ELOVL6: variants seen among roughly 807,000 people sequenced by gnomAD.
ELOVL6 encodes very long chain fatty acid elongase 6.
Under a neutral mutation model 31.7 loss-of-function variants are expected in ELOVL6, and 8 were observed. That is an observed-to-expected ratio of 0.25 (90% CI 0.15 to 0.45). The LOEUF is 0.45. Among genes scored for constraint, ELOVL6 ranks in the 20% least tolerant of loss-of-function variants. ELOVL6 has a pLI of 1.00. For synonymous variants in ELOVL6, 101 were observed against 117.7 expected (o/e 0.86, Z 0.92); for missense variants, 126 against 326.4 (o/e 0.39, Z 4.73).
chr4:110,178,585 G>T (rs927366316), intron 1 of ELOVL6, among the ~76,000 whole-genome samples: 1 of 151,506 alleles, frequency 6.6e-6, no homozygotes, highest in African/African-American at 2.4e-5. Context: ...GGCCAGACGC[G>T]GTGGCTCACA....
At chr4:110,171,495 T>C (rs1578277206) in intron 1 of ELOVL6, among the ~76,000 whole-genome samples, 1 of 152,002 alleles carries the variant, frequency 6.6e-6, no homozygotes, top group East Asian at 1.9e-4. Flanking sequence ...TGCATGGTTG[T>C]CAATCATACC....
chr4:110,170,758 A>G (rs1411796364), intron 1 of ELOVL6, among the ~76,000 whole-genome samples: 1 of 152,210 alleles, frequency 6.6e-6, no homozygotes, highest in Non-Finnish European at 1.5e-5. Flanking sequence ...TGCAAGCTCA[A>G]TGTCAACAAA....
chr4:110,120,973 G>A (rs915040471), intron 1 of ELOVL6, among the ~76,000 whole-genome samples: 21 of 151,910 alleles, frequency 1.4e-4, no homozygotes, highest in Admixed American at 5.9e-4. Flanking sequence ...GCTAATTTTC[G>A]TATTTTTAGT....
At chr4:110,178,243 A>G (rs566231486) in intron 1 of ELOVL6, among the ~76,000 whole-genome samples, 4 of 137,922 alleles carry the variant, frequency 2.9e-5, no homozygotes, top group African/African-American at 1.1e-4. Context: ...AACTATGATA[A>G]TATTTTTGTA....
intron 2 of ELOVL6, among the ~76,000 whole-genome samples, chr4:110,084,002 GCCA>G (rs1756004750): frequency 1.1e-4 from 1 of 9,120 alleles, no homozygotes; most frequent in Non-Finnish European, 1.9e-4. Context: ...TATAACATAT[GCCA>G]TATATGGTAT....
At chr4:110,061,511 T>A (rs2126222989) in intron 2 of ELOVL6, among the ~76,000 whole-genome samples, 1 of 151,160 alleles carries the variant, frequency 6.6e-6, no homozygotes, top group East Asian at 1.9e-4. Context: ...CTTATCTGAA[T>A]TTTTTTTGTG....
intron 1 of ELOVL6, among the ~76,000 whole-genome samples, chr4:110,193,741 T>C (rs923318325): frequency 2.0e-5 from 3 of 152,198 alleles, no homozygotes; most frequent in African/African-American, 7.2e-5. Context: ...GACTCTATAA[T>C]ACAGAATACA....
intron 2 of ELOVL6, among the ~76,000 whole-genome samples, chr4:110,082,642 T>C (rs188167947): frequency 1.5e-3 from 227 of 152,032 alleles, no homozygotes; most frequent in African/African-American, 5.2e-3. Context: ...ATACCTAATG[T>C]TAAATGATGA....
At chr4:110,171,694 T>C (rs1758952870) in intron 1 of ELOVL6, among the ~76,000 whole-genome samples, 1 of 136,852 alleles carries the variant, frequency 7.3e-6, no homozygotes, top group African/African-American at 2.7e-5. Context: ...TTTTTTTTTT[T>C]TTTTTTTTTT....
chr4:110,127,404 CT>C (rs1757532897), intron 1 of ELOVL6, among the ~76,000 whole-genome samples: 1 of 15,484 alleles, frequency 6.5e-5, no homozygotes, highest in Non-Finnish European at 1.1e-4. Context: ...GAGATTCCGT[CT>C]CAAAAAAAAA....
chr4:110,148,027 T>A (rs994158903), intron 1 of ELOVL6, among the ~76,000 whole-genome samples: 3 of 144,616 alleles, frequency 2.1e-5, no homozygotes, highest in African/African-American at 7.8e-5. Flanking sequence ...GGCAGGAGAA[T>A]CCGCCCAGGA....
chr4:110,193,342 A>T (rs895022172), intron 1 of ELOVL6, among the ~76,000 whole-genome samples: 11 of 152,204 alleles, frequency 7.2e-5, no homozygotes, highest in Non-Finnish European at 1.3e-4. Flanking sequence ...CAGTGGCTCA[A>T]GCCTGTTATC....
chr4:110,100,588 G>A (rs1467083131), intron 2 of ELOVL6, among the ~76,000 whole-genome samples: 7 of 152,110 alleles, frequency 4.6e-5, no homozygotes, highest in African/African-American at 1.4e-4. Flanking sequence ...AAGCATAACT[G>A]GGTCCCTGGC....
chr4:110,094,842 G>A (rs1466996510), intron 2 of ELOVL6, among the ~76,000 whole-genome samples: 1 of 152,086 alleles, frequency 6.6e-6, no homozygotes, highest in Admixed American at 6.6e-5. Context: ...GAGTGAAAAA[G>A]TGAAGTGACT....
intron 2 of ELOVL6, among the ~76,000 whole-genome samples, chr4:110,074,912 A>G (rs984072131): frequency 6.6e-6 from 1 of 152,202 alleles, no homozygotes; most frequent in East Asian, 1.9e-4. Context: ...GTGATCCAGA[A>G]TATGTAAAGA....
intron 2 of ELOVL6, among the ~76,000 whole-genome samples, chr4:110,089,415 G>A (rs929650456): frequency 2.7e-4 from 41 of 152,100 alleles, no homozygotes; most frequent in Admixed American, 2.5e-3. Context: ...GTTCCTCAGG[G>A]CTGACTGCAG....
chr4:110,129,816 A>G (rs1757614364), intron 1 of ELOVL6, among the ~76,000 whole-genome samples: 1 of 151,418 alleles, frequency 6.6e-6, no homozygotes, highest in African/African-American at 2.4e-5. Context: ...ACGTCTGTTG[A>G]GTGAAACAAG....
At chr4:110,169,794 CT>C (rs1758889136) in intron 1 of ELOVL6, among the ~76,000 whole-genome samples, 1 of 146,062 alleles carries the variant, frequency 6.8e-6, no homozygotes, top group African/African-American at 2.6e-5. Context: ...ATTTAGTTTT[CT>C]TTTCTTTCTT....
intron 1 of ELOVL6, among the ~76,000 whole-genome samples, chr4:110,158,635 G>GTATATATATATATATATATATATATA (rs780807092): frequency 6.1e-5 from 5 of 81,564 alleles, no homozygotes; most frequent in African/African-American, 5.9e-5. Flanking sequence ...ATATACACGT[G>GTATATATATATATATATATATATATA]TATATATATA....
Sources: gnomAD v4.1 joint callset for allele counts (sites outside exome capture counted in the v4.1 genomes callset) on GRCh38, gnomAD v4.1.1 for gene constraint, MANE v1.5 for transcripts, NCBI Gene and HGNC (gene_info 2026-07-23, HGNC 2026-07-21) for gene names.